Variants in CDH18 observed in about 807,000 individuals in gnomAD.
The protein encoded by CDH18 is cadherin-18.
In CDH18, 31 loss-of-function variants were observed where a neutral mutation model predicts 67.9. That is an observed-to-expected ratio of 0.46 (90% confidence interval 0.34 to 0.62). The LOEUF (loss-of-function observed/expected upper bound fraction) is 0.62. Among genes scored for constraint, CDH18 ranks in the 20% least tolerant of loss-of-function variants. The probability of loss-of-function intolerance (pLI) is 0.01; values close to 1 mark genes in which losing one functional copy is unlikely to be tolerated. For synonymous variants in CDH18, 362 were observed against 347.2 expected, an observed-to-expected ratio of 1.04 and a Z score of -0.48; for missense variants, 890 against 975.5, an observed-to-expected ratio of 0.91 and a Z score of 1.17.
At chr5:19,687,293 T>C (rs1305528474) in intron 5 of CDH18, among the ~76,000 whole-genome samples, 3 of 152,160 alleles carry the variant, frequency 2.0e-5, no homozygotes, top group Admixed American at 1.3e-4. Flanking sequence ...CAGAGCCATT[T>C]TGAAAGACCA....
chr5:19,498,162 T>C (rs748681808), intron 11 of CDH18, among the ~76,000 whole-genome samples: 10 of 149,572 alleles, frequency 6.7e-5, no homozygotes, highest in Non-Finnish European at 1.2e-4. Flanking sequence ...GCCCAATCTC[T>C]GTATCAGAGA....
chr5:19,826,756 C>A (rs554789294), intron 3 of CDH18, among the ~76,000 whole-genome samples: 2 of 152,230 alleles, frequency 1.3e-5, no homozygotes, highest in Admixed American at 1.3e-4. Flanking sequence ...AAGAGAAATA[C>A]CATTACCAGC....
chr5:20,574,674 A>G (rs1263296002), intron 1 of CDH18, among the ~76,000 whole-genome samples: 1 of 152,058 alleles, frequency 6.6e-6, no homozygotes, highest in Non-Finnish European at 1.5e-5. Flanking sequence ...TCAATTTCAG[A>G]TATCATTTTA....
intron 2 of CDH18, among the ~76,000 whole-genome samples, chr5:19,840,450 C>T (rs192868019): frequency 1.9e-3 from 294 of 152,080 alleles, no homozygotes; most frequent in African/African-American, 6.7e-3. Flanking sequence ...CGACTGTAAT[C>T]CAAGCATTTT....
At chr5:20,545,933 C>T (rs1223265625) in intron 1 of CDH18, among the ~76,000 whole-genome samples, 1 of 152,158 alleles carries the variant, frequency 6.6e-6, no homozygotes, top group Non-Finnish European at 1.5e-5. Flanking sequence ...CAATTTCAAA[C>T]CATCTCTTTG....
chr5:19,833,977 T>C (rs898793826), intron 3 of CDH18, among the ~76,000 whole-genome samples: 1 of 152,006 alleles, frequency 6.6e-6, no homozygotes, highest in Non-Finnish European at 1.5e-5. Flanking sequence ...GGCCTGAAGA[T>C]TTTTTTGTTG....
At chr5:19,618,006 A>G (rs1750106795) in intron 5 of CDH18, among the ~76,000 whole-genome samples, 1 of 152,216 alleles carries the variant, frequency 6.6e-6, no homozygotes, top group African/African-American at 2.4e-5. Context: ...ATCCAAGATG[A>G]AAATGTTGTA....
intron 1 of CDH18, among the ~76,000 whole-genome samples, chr5:20,564,790 A>G (rs1236865441): frequency 6.6e-6 from 1 of 152,174 alleles, no homozygotes; most frequent in Admixed American, 6.6e-5. Context: ...TGTAAGGGTC[A>G]GAGATCTAAC....
chr5:20,022,802 A>G (rs1393674245), intron 2 of CDH18, among the ~76,000 whole-genome samples: 1 of 152,218 alleles, frequency 6.6e-6, no homozygotes, highest in African/African-American at 2.4e-5. Context: ...TTTTAATTGT[A>G]GAAAGGAAAA....
chr5:20,494,219 G>A (rs532309069), intron 1 of CDH18, among the ~76,000 whole-genome samples: 314 of 151,896 alleles, frequency 2.1e-3, no homozygotes, highest in Non-Finnish European at 3.8e-3. Flanking sequence ...TGAAGAGAGT[G>A]GAATAGACTC....
chr5:19,933,781 T>G (rs570255327), intron 2 of CDH18, among the ~76,000 whole-genome samples: 1 of 151,616 alleles, frequency 6.6e-6, no homozygotes, highest in African/African-American at 2.4e-5. Context: ...CGTCCATTTC[T>G]GATGCCTCCC....
rs534848618 is a variant in CDH18 at position 20,552,922 on chromosome 5, T to C, written c.-580+22540A>G. Among the ~76,000 whole-genome samples, 3 of 152,068 alleles carry C rather than the reference T, an allele frequency of 2.0e-5. No homozygotes were observed. The South Asian group carries it at 6.2e-4, about 32-fold the overall frequency. ...GGCGTGCTCCATCATGCACGGCTAATTTTTGTATTTTTAGTAGAGACAGGG... is the reference window on the plus strand; with the variant it reads ...GGCGTGCTCCATCATGCACGGCTAACTTTTGTATTTTTAGTAGAGACAGGG... On this transcript the variant is annotated intron_variant, in intron 1 of 14. Transcript: ENST00000507958.
At chr5:20,134,675 T>C (rs1052461999) in intron 2 of CDH18, among the ~76,000 whole-genome samples, 1 of 152,162 alleles carries the variant, frequency 6.6e-6, no homozygotes. Flanking sequence ...TCAATAGTTA[T>C]AGGTACACAA....
chr5:20,199,496 T>C (rs1367617277), intron 2 of CDH18, among the ~76,000 whole-genome samples: 2 of 152,194 alleles, frequency 1.3e-5, no homozygotes, highest in Non-Finnish European at 2.9e-5. Flanking sequence ...ATCTAGGAAG[T>C]AACTAACTTG....
chr5:19,885,613 T>C (rs1788108461), intron 2 of CDH18, among the ~76,000 whole-genome samples: 1 of 152,072 alleles, frequency 6.6e-6, no homozygotes, highest in Non-Finnish European at 1.5e-5. Flanking sequence ...CAGGCTGGAG[T>C]ACAGTGGTGC....
At chr5:20,255,002 A>G (rs1402190968) in intron 2 of CDH18, among the ~76,000 whole-genome samples, 1 of 152,228 alleles carries the variant, frequency 6.6e-6, no homozygotes, top group Non-Finnish European at 1.5e-5. Context: ...AATCTTAAGC[A>G]AATTAAATCA....
At chr5:20,189,497 T>G (rs2126712301) in intron 2 of CDH18, among the ~76,000 whole-genome samples, 1 of 152,260 alleles carries the variant, frequency 6.6e-6, no homozygotes, top group South Asian at 2.1e-4. Context: ...ACATAAAATT[T>G]TATGTATTAT....
chr5:19,517,533 A>T (rs2126878662), intron 10 of CDH18, among the ~76,000 whole-genome samples: 1 of 152,184 alleles, frequency 6.6e-6, no homozygotes, highest in South Asian at 2.1e-4. Context: ...GCTTTGCTTT[A>T]TCTTAGGTCC....
chr5:19,945,691 G>T (rs1795219497), intron 2 of CDH18, among the ~76,000 whole-genome samples: 2 of 152,002 alleles, frequency 1.3e-5, no homozygotes, highest in African/African-American at 4.8e-5. Context: ...CAAACAAATG[G>T]AAATTATAGA....
Sources: gnomAD v4.1 joint callset for allele counts (sites outside exome capture counted in the v4.1 genomes callset) on GRCh38, gnomAD v4.1.1 for gene constraint, MANE v1.5 for transcripts, NCBI Gene and HGNC (gene_info 2026-07-23, HGNC 2026-07-21) for gene names.